The following ZMYM2 variants were observed in gnomAD, a reference collection of about 807,000 sequenced individuals.
ZMYM2 encodes the protein zinc finger MYM-type containing 2.
Under a neutral mutation model 162.8 loss-of-function variants are expected in ZMYM2, and 56 were observed. The ratio of observed to expected loss-of-function variants is 0.34; its 90% CI spans 0.28 to 0.43. ZMYM2 has a LOEUF of 0.43. Among genes scored for constraint, ZMYM2 ranks in the 20% least tolerant of loss-of-function variants. ZMYM2 has a pLI of 1.00. For missense variants in ZMYM2, 1,275 were observed against 1,621.8 expected (o/e 0.79, Z 3.67); for synonymous variants, 510 against 541.6 (o/e 0.94, Z 0.81).
upstream of ZMYM2, among the ~76,000 whole-genome samples, chr13:19,957,356 TC>T (rs1179610292): frequency 1.3e-5 from 2 of 152,226 alleles, no homozygotes; most frequent in Admixed American, 1.3e-4. Context: ...AAGTCGCCCA[TC>T]CATTTGGGTG....
At chr13:20,041,190 G>A (rs1032757447) in intron 12 of ZMYM2, among the ~76,000 whole-genome samples, 5 of 152,142 alleles carry the variant, frequency 3.3e-5, no homozygotes, top group African/African-American at 1.2e-4. Flanking sequence ...TTGTCTAGGA[G>A]TCTAAGTCTC....
the ZMYM2 span, among the ~76,000 whole-genome samples, chr13:19,870,550 T>TTCCTTCCTTCCTTC: frequency 2.1e-4 from 24 of 114,838 alleles, no homozygotes; most frequent in South Asian, 1.0e-3. Flanking sequence ...TTTCTTTCTT[T>TTCCTTCCTTCCTTC]CTTCCTTCCT....
intron 2 of ZMYM2, chr13:19,969,930 C>T (rs915805418): frequency 7.2e-5 from 39 of 544,254 alleles, no homozygotes; most frequent in Non-Finnish European, 8.4e-5. Flanking sequence ...TAGTAATAGT[C>T]TGTATTAGAG....
the ZMYM2 span, among the ~76,000 whole-genome samples, chr13:19,935,658 T>C: frequency 6.6e-6 from 1 of 152,140 alleles, no homozygotes; most frequent in African/African-American, 2.4e-5. Flanking sequence ...TCCTTTTTTT[T>C]TTCTTTTGAG....
At chr13:19,872,004 C>T in the ZMYM2 span, among the ~76,000 whole-genome samples, 7 of 152,032 alleles carry the variant, frequency 4.6e-5, no homozygotes, top group African/African-American at 1.7e-4. Context: ...TGGTCTCACT[C>T]TGTTACCCTG....
At chr13:19,884,205 A>C in the ZMYM2 span, among the ~76,000 whole-genome samples, 3 of 152,064 alleles carry the variant, frequency 2.0e-5, no homozygotes, top group Admixed American at 2.0e-4. Flanking sequence ...CCCAGCTCTC[A>C]AAAAAATTTA....
At chr13:19,891,730 T>C in the ZMYM2 span, among the ~76,000 whole-genome samples, 1 of 151,848 alleles carries the variant, frequency 6.6e-6, no homozygotes, top group South Asian at 2.1e-4. Flanking sequence ...TGAGCTGTGA[T>C]TGCACCACTG....
At chr13:19,949,443 AATT>A in the ZMYM2 span, among the ~76,000 whole-genome samples, 1 of 151,870 alleles carries the variant, frequency 6.6e-6, no homozygotes, top group Non-Finnish European at 1.5e-5. Flanking sequence ...AGAAAACAAA[AATT>A]AGCTGGATGT....
At chr13:20,003,434 G>T (rs894066941) in intron 4 of ZMYM2, among the ~76,000 whole-genome samples, 1 of 152,124 alleles carries the variant, frequency 6.6e-6, no homozygotes, top group African/African-American at 2.4e-5. Context: ...CAGTTTATGC[G>T]TGATTCTGTG....
chr13:19,890,161 C>T, the ZMYM2 span, among the ~76,000 whole-genome samples: 1 of 151,678 alleles, frequency 6.6e-6, no homozygotes, highest in Non-Finnish European at 1.5e-5. Context: ...AGAGTTGTTT[C>T]GTTTTGTTTT....
chr13:19,947,531 C>A, the ZMYM2 span, among the ~76,000 whole-genome samples: 1 of 149,704 alleles, frequency 6.7e-6, no homozygotes, highest in African/African-American at 2.5e-5. Context: ...ATGATCTTGG[C>A]TCACTGCAAC....
chr13:19,911,187 G>C, the ZMYM2 span, among the ~76,000 whole-genome samples: 13 of 151,714 alleles, frequency 8.6e-5, no homozygotes, highest in Admixed American at 4.0e-4. Flanking sequence ...CTCCCAAGTA[G>C]CTGAAAATAT....
chr13:19,944,932 A>G, the ZMYM2 span, among the ~76,000 whole-genome samples: 8 of 152,132 alleles, frequency 5.3e-5, no homozygotes, highest in Non-Finnish European at 8.8e-5. Context: ...CAGCCTCCCA[A>G]AGTGCTGGGA....
In ZMYM2 at chr13:20,051,035, G is replaced by T. The variant is rs1033442523; in HGVS notation, c.2293-398G>T. Among the ~76,000 whole-genome samples the T allele has an allele frequency of 4.6e-5, 7 of 152,002 alleles. 1 individual carries two copies. Among genetic ancestry groups the T allele is most frequent in the Admixed American group, 4.6e-4 (7 of 15,290 alleles). ...CTTGCTTCAAAATTACCTTTGTCTT[G>T]TACAACTAACCTGGGAAATCCGTTC... is the stretch of plus-strand genomic sequence containing the variant. On this transcript the variant is annotated intron_variant, in intron 12 of 24. Coordinates refer to ENST00000610343, the MANE Select transcript of ZMYM2 (RefSeq NM_197968.4).
chr13:19,980,332 T>C (rs1957201513), intron 2 of ZMYM2, among the ~76,000 whole-genome samples: 2 of 152,202 alleles, frequency 1.3e-5, no homozygotes, highest in Admixed American at 1.3e-4. Flanking sequence ...TTCCTTGATA[T>C]ATTGGGTCTG....
chr13:20,033,100 A>G (rs909024271), intron 10 of ZMYM2, among the ~76,000 whole-genome samples: 7 of 152,144 alleles, frequency 4.6e-5, no homozygotes, highest in Admixed American at 2.6e-4. Context: ...TAACAGCAGT[A>G]AGAATGAAGG....
Position 20,062,924 on chromosome 13 carries a change from A to G in ZMYM2, c.2990A>G (p.Asp997Gly). 6.2e-7 allele frequency: 1 copy of G among 1,604,316 alleles called. No homozygotes were observed. Among genetic ancestry groups the G allele is most frequent in the Non-Finnish European group, 8.5e-7 (1 of 1,174,534 alleles). Residue 997 changes from aspartate to glycine, a missense_variant, in exon 18 of 25, where the codon GAT becomes GGT. This residue lies in a region of ZMYM2 where 229 missense variants were observed against 283.8 expected (regional missense o/e 0.81). Transcript: ENST00000610343. ...CCAGAGACACAGTCCAGCATGCCTG[A>G]TGTACCATATGAACCAGATTTGGAT... ...SDPETQSSMP[D>G]VPYEPDLDIE...
the ZMYM2 span, among the ~76,000 whole-genome samples, chr13:19,876,473 C>T: frequency 6.6e-6 from 1 of 152,042 alleles, no homozygotes; most frequent in South Asian, 2.1e-4. Flanking sequence ...CAGGCACGTG[C>T]CACTACACTG....
In ZMYM2 at chr13:20,031,454, T is replaced by C. The variant is rs746966008; in HGVS notation, c.1968+19T>C. ...ATGGGAGGCAAGTTGTATTTTGTAA[T>C]GTGTGTTATCTAATGCTAAAAAGAA... On this transcript the variant is annotated intron_variant, in intron 10 of 24. Transcript: ENST00000610343. 6.6e-6 allele frequency: 10 copies of C among 1,515,400 alleles called. No homozygotes were observed. Among genetic ancestry groups the C allele is most frequent in the South Asian group, 2.4e-5 (2 of 85,014 alleles). 93.9% of individuals were successfully genotyped at this position (1,515,400 alleles called of 1,614,324 possible).
Sources: gnomAD v4.1 joint callset for allele counts (sites outside exome capture counted in the v4.1 genomes callset) on GRCh38, gnomAD v4.1.1 for gene constraint, gnomAD v4.1.1 regional missense constraint, MANE v1.5 for transcripts, NCBI Gene and HGNC (gene_info 2026-07-23, HGNC 2026-07-21) for gene names.